Variants in STK32C observed in about 807,000 individuals in gnomAD.
STK32C encodes serine/threonine-protein kinase 32C.
In STK32C, 31 loss-of-function variants were observed where a neutral mutation model predicts 56.5. That is an observed-to-expected ratio of 0.55 (90% CI 0.41 to 0.74). The LOEUF (loss-of-function observed/expected upper bound fraction) is 0.74. Among genes scored for constraint, STK32C ranks in the 30% least tolerant of loss-of-function variants. The probability of loss-of-function intolerance (pLI) is 0.00; values close to 1 mark genes in which losing one functional copy is unlikely to be tolerated. For synonymous variants in STK32C, 309 were observed against 289.4 expected (o/e 1.07, Z -0.69); for missense variants, 544 against 676.9 (o/e 0.80, Z 2.18).
chr10:132,253,058 C>A (rs1162925732), intron 1 of STK32C, among the ~76,000 whole-genome samples: 3 of 152,218 alleles, frequency 2.0e-5, no homozygotes, highest in African/African-American at 7.2e-5. Context: ...GACTTGTCAG[C>A]GCTAAGCCCA....
chr10:132,221,271 C>T (rs2062631674), intron 10 of STK32C, among the ~76,000 whole-genome samples: 1 of 151,844 alleles, frequency 6.6e-6, no homozygotes, highest in African/African-American at 2.4e-5. Flanking sequence ...CCCACACACA[C>T]AACTGATGCT....
rs535584475 is a variant in STK32C at position 132,302,641 on chromosome 10, G to C, written c.262+4931C>G. 6.2e-3 allele frequency among the ~76,000 whole-genome samples: 945 copies of C among 152,288 alleles called. 8 individuals are homozygous for C. The highest frequency in any genetic ancestry group is 0.022 in the African/African-American group (899 of 41,554). On this transcript the variant is annotated intron_variant, in intron 1 of 11. Transcript: ENST00000298630. Reference sequence around the variant, plus strand: ...GATGGGTGTCTGGGCCACACAGAGAGCCCCCACCCCTTGCCTCACAGGGTC... The same window carrying C: ...GATGGGTGTCTGGGCCACACAGAGACCCCCCACCCCTTGCCTCACAGGGTC...
At chr10:132,235,494 T>TAAAAA (rs56193362) in intron 2 of STK32C, among the ~76,000 whole-genome samples, 2 of 108,116 alleles carry the variant, frequency 1.8e-5, no homozygotes, top group African/African-American at 3.6e-5. Flanking sequence ...GACTCAGCCT[T>TAAAAA]AAAAAAAAAA....
At chr10:132,312,381 G>T (rs2066239615), upstream of STK32C, among the ~76,000 whole-genome samples, 1 of 152,128 alleles carries the variant, frequency 6.6e-6, no homozygotes, top group Non-Finnish European at 1.5e-5. Context: ...TAGACAATCA[G>T]AAATGATGTC....
At chr10:132,281,658 T>C (rs1209597346) in intron 1 of STK32C, among the ~76,000 whole-genome samples, 1 of 152,222 alleles carries the variant, frequency 6.6e-6, no homozygotes, top group East Asian at 1.9e-4. Flanking sequence ...GGGCTCCGGT[T>C]GGAAAGCACT....
intron 1 of STK32C, among the ~76,000 whole-genome samples, chr10:132,329,719 T>G (rs2066598200): frequency 6.6e-6 from 1 of 152,098 alleles, no homozygotes. Flanking sequence ...CTACTCCCTT[T>G]TAGGAGATCC....
chr10:132,225,907 G>A, intron 4 of STK32C, 123 bp from the exon 5 acceptor site: 1 of 1,297,858 alleles, frequency 7.7e-7, no homozygotes. Context: ...AGAGGCCTGG[G>A]AGCTTGACTT....
At chr10:132,222,556 G>A in intron 10 of STK32C, 85 bp downstream of exon 10, 1 of 1,539,452 alleles carries the variant, frequency 6.5e-7, no homozygotes. Context: ...TGCGCTGCCA[G>A]GGGTCCCCAC....
At chr10:132,316,876 A>C (rs932574940) in intron 1 of STK32C, among the ~76,000 whole-genome samples, 37 of 151,570 alleles carry the variant, frequency 2.4e-4, no homozygotes, top group African/African-American at 8.8e-4. Context: ...CAACATGATG[A>C]AACCCCGACT....
chr10:132,294,099 C>A (rs1186688238), intron 1 of STK32C, among the ~76,000 whole-genome samples: 4 of 152,178 alleles, frequency 2.6e-5, no homozygotes, highest in Non-Finnish European at 4.4e-5. Context: ...ATGTGGGAAA[C>A]AGGTCCCAGC....
chr10:132,220,387 A>G (rs2062598923), intron 10 of STK32C, among the ~76,000 whole-genome samples: 1 of 152,238 alleles, frequency 6.6e-6, no homozygotes, highest in Non-Finnish European at 1.5e-5. Flanking sequence ...CTTTGGACTC[A>G]GGCCTCCAAG....
At chr10:132,226,627 C>G (rs1031697673) in intron 4 of STK32C, among the ~76,000 whole-genome samples, 168 bp downstream of exon 4, 2 of 152,236 alleles carry the variant, frequency 1.3e-5, no homozygotes, top group African/African-American at 4.8e-5. Context: ...ATGGGGCTGA[C>G]CTGGTCGGCA....
At chr10:132,214,725 T>C (rs1355394734) in intron 10 of STK32C, among the ~76,000 whole-genome samples, 1 of 152,200 alleles carries the variant, frequency 6.6e-6, no homozygotes, top group African/African-American at 2.4e-5. Flanking sequence ...AGCAATGTCA[T>C]CAGGAACAGG....
chr10:132,315,252 G>T (rs2066290733), intron 1 of STK32C, among the ~76,000 whole-genome samples: 1 of 152,104 alleles, frequency 6.6e-6, no homozygotes. Context: ...TCATTCATAA[G>T]TGGAAGCTGA....
intron 1 of STK32C, among the ~76,000 whole-genome samples, chr10:132,317,839 A>T (rs1489750507): frequency 6.6e-6 from 1 of 151,868 alleles, no homozygotes; most frequent in Non-Finnish European, 1.5e-5. Context: ...TTAGCCGGGC[A>T]TGGTGGTGTG....
chr10:132,266,498 G>C (rs1026075173), intron 1 of STK32C, among the ~76,000 whole-genome samples: 2 of 152,194 alleles, frequency 1.3e-5, no homozygotes, highest in Non-Finnish European at 2.9e-5. Flanking sequence ...AGATCATCTA[G>C]ATCAGGGACA....
intron 1 of STK32C, among the ~76,000 whole-genome samples, chr10:132,270,579 G>A (rs73383254): frequency 0.057 from 8,758 of 152,340 alleles, 283 homozygotes; most frequent in Middle Eastern, 0.082. Context: ...CCAGGACCCA[G>A]CATGGCCTCT....
At chr10:132,262,530 A>G (rs966906266) in intron 1 of STK32C, among the ~76,000 whole-genome samples, 1 of 152,174 alleles carries the variant, frequency 6.6e-6, no homozygotes, top group Non-Finnish European at 1.5e-5. Context: ...ATATTCACAA[A>G]CTACGCATCT....
chr10:132,331,428 A>G, intron 1 of STK32C: 1 of 1,606,822 alleles, frequency 6.2e-7, no homozygotes, highest in Non-Finnish European at 8.5e-7. Context: ...CTTCCTCAGG[A>G]CACTCACTGC....
Sources: allele counts gnomAD v4.1 joint callset (sites outside exome capture counted in the v4.1 genomes callset), GRCh38; gene constraint gnomAD v4.1.1; transcripts MANE v1.5; gene names NCBI Gene and HGNC (gene_info 2026-07-23, HGNC 2026-07-21).